Variants in TRPM6 observed in about 807,000 individuals in gnomAD.
TRPM6 encodes channel kinase 2.
A neutral mutation model predicts 247.6 loss-of-function variants in TRPM6; 111 were observed. The observed-to-expected ratio is 0.45, with a 90% CI of 0.38 to 0.52. The LOEUF (loss-of-function observed/expected upper bound fraction) is 0.52. TRPM6 is among the 20% of genes least tolerant of loss of function. TRPM6 has a pLI of 0.00. For missense variants in TRPM6, 2,126 were observed against 2,421.5 expected (o/e 0.88, Z 2.56); for synonymous variants, 892 against 853.8 (o/e 1.04, Z -0.78).
chr9:74,750,826 T>G (rs1424399217), intron 29 of TRPM6, 104 bp from the exon 30 acceptor site: 2 of 1,003,860 alleles, frequency 2.0e-6, no homozygotes, highest in East Asian at 2.4e-5. Context: ...CCTTCTTTTT[T>G]CTTCATCTAC....
chr9:74,807,546 G>GT (rs1302402417), intron 14 of TRPM6, among the ~76,000 whole-genome samples: 1 of 152,110 alleles, frequency 6.6e-6, no homozygotes, highest in African/African-American at 2.4e-5. Context: ...AATAAAATAT[G>GT]TATCACTTAT....
intron 37 of TRPM6, among the ~76,000 whole-genome samples, chr9:74,730,029 A>T (rs1262045017): frequency 6.6e-6 from 1 of 152,110 alleles, no homozygotes; most frequent in Non-Finnish European, 1.5e-5. Context: ...TGTAGGGGAG[A>T]ATGAAGGAGA....
At chr9:74,747,110 T>C (rs778149765) in intron 31 of TRPM6, among the ~76,000 whole-genome samples, 9 of 152,072 alleles carry the variant, frequency 5.9e-5, no homozygotes, top group Admixed American at 1.3e-4. Flanking sequence ...GAGTTAGCAG[T>C]TGTAGTGGAG....
chr9:74,830,498 C>T (rs888134806), intron 6 of TRPM6, among the ~76,000 whole-genome samples: 2 of 151,994 alleles, frequency 1.3e-5, no homozygotes, highest in Admixed American at 6.6e-5. Context: ...CGGGCTCGAG[C>T]GATCCTCCCA....
At chr9:74,728,610 T>C (rs1390012099) in intron 37 of TRPM6, among the ~76,000 whole-genome samples, 1 of 152,238 alleles carries the variant, frequency 6.6e-6, no homozygotes, top group Non-Finnish European at 1.5e-5. Flanking sequence ...AGAGTGAATT[T>C]TCTATGTACC....
intron 3 of TRPM6, among the ~76,000 whole-genome samples, chr9:74,846,242 C>G (rs1830103136): frequency 6.6e-6 from 1 of 152,172 alleles, no homozygotes; most frequent in Non-Finnish European, 1.5e-5. Flanking sequence ...ACAAACAAGT[C>G]AATTTATGGC....
At chr9:74,809,975 T>G (rs1215563755) in intron 13 of TRPM6, among the ~76,000 whole-genome samples, 10 of 31,722 alleles carry the variant, frequency 3.2e-4, no homozygotes, top group Non-Finnish European at 6.2e-4. Context: ...AAACTCCATC[T>G]CAAAAAAAAA....
At chr9:74,841,032 C>A (rs1829920973) in intron 4 of TRPM6, among the ~76,000 whole-genome samples, 1 of 152,072 alleles carries the variant, frequency 6.6e-6, no homozygotes, top group Non-Finnish European at 1.5e-5. Flanking sequence ...GATTCTAGAG[C>A]ATGGACATTT....
At chr9:74,773,025 GC>G (rs1319322848) in intron 24 of TRPM6, among the ~76,000 whole-genome samples, 4 of 152,088 alleles carry the variant, frequency 2.6e-5, no homozygotes, top group Admixed American at 1.3e-4. Context: ...TACTCAGGAG[GC>G]TGAGGTGGGA....
At chr9:74,751,254 T>C (rs1045884550) in intron 29 of TRPM6, among the ~76,000 whole-genome samples, 2 of 152,222 alleles carry the variant, frequency 1.3e-5, no homozygotes, top group Admixed American at 1.3e-4. Flanking sequence ...CTCCAGGCAT[T>C]ACTCTAGGTA....
Position 74,724,660 on chromosome 9 carries a change from C to G in TRPM6, c.6022G>C (p.Ala2008Pro). The G allele has an allele frequency of 6.2e-7, 1 of 1,614,200 alleles. No homozygotes were observed. ...GGGGAATTTCTACCCGTCTCCCTTGCTGGAGGCTCCTCAGCTGATTCTATT... is the reference window on the plus strand; with the variant it reads ...GGGGAATTTCTACCCGTCTCCCTTGGTGGAGGCTCCTCAGCTGATTCTATT... ...IKIESAEEPPARETGRNSPED... is the reference protein window; with the variant it reads ...IKIESAEEPPPRETGRNSPED... The change falls in exon 39 of 39, where the codon GCA becomes CCA. Residue 2008 changes from alanine (A) to proline (P), a missense_variant. Physicochemically the swap from Ala to Pro is conservative, Grantham distance 27. Transcript: ENST00000360774.
intron 37 of TRPM6, among the ~76,000 whole-genome samples, chr9:74,729,054 G>T (rs1366814265): frequency 6.6e-6 from 1 of 152,210 alleles, no homozygotes; most frequent in Non-Finnish European, 1.5e-5. Context: ...CAGATTCTAA[G>T]ATCAGTGTTC....
intron 33 of TRPM6, among the ~76,000 whole-genome samples, chr9:74,741,454 A>C (rs891049345): frequency 2.0e-5 from 3 of 152,076 alleles, no homozygotes; most frequent in African/African-American, 7.2e-5. Context: ...CAACTTTTCA[A>C]ACCTTTCAAA....
chr9:74,734,987 C>T (rs1170178842), intron 36 of TRPM6, among the ~76,000 whole-genome samples: 9 of 152,034 alleles, frequency 5.9e-5, no homozygotes, highest in Non-Finnish European at 1.2e-4. Flanking sequence ...CCGAGGTAGG[C>T]GGATCTCTTG....
chr9:74,777,398 T>C (rs149424665), intron 23 of TRPM6, among the ~76,000 whole-genome samples: 1 of 152,290 alleles, frequency 6.6e-6, no homozygotes, highest in African/African-American at 2.4e-5. Context: ...GTCTTCAGTG[T>C]GTTCATCTCT....
At chr9:74,805,027 G>A (rs1288873289) in intron 14 of TRPM6, among the ~76,000 whole-genome samples, 1 of 152,124 alleles carries the variant, frequency 6.6e-6, no homozygotes, top group Non-Finnish European at 1.5e-5. Flanking sequence ...TTTTACATTA[G>A]CTGTAACAAA....
Position 74,800,619 on chromosome 9 carries a change from TAAA to T in TRPM6, c.2010-140_2010-138del, listed in dbSNP as rs5898379. ...AAATATCAATTCATAAGGCTTCCTT[TAAA>T]AAAAAAAAAAAAGCCAACAACACCA... On this transcript the variant is annotated intron_variant, in intron 16 of 38. Coordinates refer to ENST00000360774, the MANE Select transcript of TRPM6 (RefSeq NM_017662.5). 6,495 of 574,168 alleles carry T rather than the reference TAAA, an allele frequency of 0.011. 10 individuals are homozygous for T. Among genetic ancestry groups the T allele is most frequent in the African/African-American group, 0.023 (1,172 of 49,912 alleles). The allele number at this position is 574,168 out of a possible 1,614,324, so 35.6% of individuals were successfully genotyped here.
At chr9:74,828,122 G>A (rs1387401505) in intron 6 of TRPM6, among the ~76,000 whole-genome samples, 173 bp from the exon 7 acceptor site, 1 of 152,182 alleles carries the variant, frequency 6.6e-6, no homozygotes, top group Admixed American at 6.5e-5. Flanking sequence ...GGGAAGCCAA[G>A]GTGGGCGGAT....
chr9:74,782,934 C>A, intron 21 of TRPM6, 81 bp from the exon 22 acceptor site: 1 of 1,299,978 alleles, frequency 7.7e-7, no homozygotes. Flanking sequence ...GCCATCATAA[C>A]TATACCTGCA....
Sources: gnomAD v4.1 joint callset for allele counts (sites outside exome capture counted in the v4.1 genomes callset) on GRCh38, gnomAD v4.1.1 for gene constraint, MANE v1.5 for transcripts, NCBI Gene and HGNC (gene_info 2026-07-23, HGNC 2026-07-21) for gene names.